Variants in ZNF684 observed in about 807,000 individuals in gnomAD.
The protein encoded by ZNF684 is zinc finger protein 684, also known as hypothetical protein MGC27466.
ZNF684 carries 13 observed loss-of-function variants against 12.8 expected under a neutral mutation model. The observed-to-expected ratio is 1.02, with a 90% CI of 0.66 to 1.62. The LOEUF is 1.62. Ranked by LOEUF, ZNF684 falls within the 40% of genes most tolerant of loss-of-function variation. The pLI, the probability that ZNF684 is intolerant of heterozygous loss-of-function variation, is 0.00. For missense variants in ZNF684, 384 were observed against 446.9 expected, an observed-to-expected ratio of 0.86 and a Z score of 1.27; for synonymous variants, 118 against 151.8, an observed-to-expected ratio of 0.78 and a Z score of 1.64.
chr1:40,544,518 AT>A, intron 4 of ZNF684: 1 of 295,156 alleles, frequency 3.4e-6, no homozygotes, highest in Non-Finnish European at 6.7e-6. Flanking sequence ...TGCCTGGCTA[AT>A]TTTTGTATTT....
Position 40,546,716 on chromosome 1 carries a change from A to G in ZNF684, c.393A>G (p.Lys131=), listed in dbSNP as rs1351281873. The stretch of plus-strand genomic sequence containing the variant: ...CAAGTCTTAATCCAATGAGAAAAAA[A>G]TCATATAAATCGTTTGAGAAGTGTT... ...MSTSLNPMRK[K]SYKSFEKCLP... Residue 131 remains lysine (K), a synonymous_variant, in exon 5 of 5, where the codon AAA becomes AAG. Coordinates refer to ENST00000372699, the MANE Select transcript of ZNF684 (RefSeq NM_152373.4). 5 of 1,613,936 alleles carry G rather than the reference A, an allele frequency of 3.1e-6. No homozygotes were observed. Among genetic ancestry groups the G allele is most frequent in the Non-Finnish European group, 3.4e-6 (4 of 1,179,994 alleles).
At chr1:40,534,044 G>A (rs1286224763) in intron 2 of ZNF684, among the ~76,000 whole-genome samples, 2 of 151,642 alleles carry the variant, frequency 1.3e-5, no homozygotes, top group Non-Finnish European at 2.9e-5. Context: ...GGCTGGTCTC[G>A]AATTCCTGAC....
chr1:40,545,033 C>G (rs1454419359), intron 4 of ZNF684: 1 of 152,122 alleles, frequency 6.6e-6, no homozygotes, highest in Non-Finnish European at 1.5e-5. Flanking sequence ...TCATATCTTG[C>G]ATAATTTTGT....
intron 4 of ZNF684, among the ~76,000 whole-genome samples, chr1:40,545,569 C>T (rs1010280801): frequency 9.2e-5 from 14 of 152,078 alleles, no homozygotes; most frequent in Admixed American, 4.6e-4. Flanking sequence ...GGATGACTTA[C>T]GCTTGGATGA....
intron 2 of ZNF684, among the ~76,000 whole-genome samples, chr1:40,536,218 C>A (rs1364173664): frequency 6.6e-6 from 1 of 151,752 alleles, no homozygotes; most frequent in Non-Finnish European, 1.5e-5. Flanking sequence ...ATGGTGAAAC[C>A]CCGTCTCTAC....
intron 4 of ZNF684, chr1:40,544,451 A>C (rs1464944281): frequency 2.5e-6 from 1 of 402,822 alleles, no homozygotes; most frequent in Admixed American, 2.8e-5. Flanking sequence ...GCTCGGGTTC[A>C]AGTGATTCTC....
intron 4 of ZNF684, among the ~76,000 whole-genome samples, chr1:40,545,400 A>G (rs1213270181): frequency 6.6e-6 from 1 of 152,258 alleles, no homozygotes; most frequent in Non-Finnish European, 1.5e-5. Flanking sequence ...AGAGCAAAGC[A>G]GCTTGCTGAA....
chr1:40,544,167 G>A (rs1435230309), intron 4 of ZNF684, among the ~76,000 whole-genome samples: 1 of 151,352 alleles, frequency 6.6e-6, no homozygotes, highest in East Asian at 1.9e-4. Flanking sequence ...TGTGGGAGAT[G>A]TTTCTTATTC....
intron 4 of ZNF684, among the ~76,000 whole-genome samples, chr1:40,546,317 C>T (rs1416798174): frequency 6.6e-6 from 1 of 152,188 alleles, no homozygotes; most frequent in African/African-American, 2.4e-5. Context: ...GTTGAGCAGC[C>T]TTTTGACTTC....
intron 1 of ZNF684, among the ~76,000 whole-genome samples, chr1:40,532,192 T>C (rs1398176967): frequency 6.6e-6 from 1 of 152,166 alleles, no homozygotes; most frequent in African/African-American, 2.4e-5. Flanking sequence ...CTTGAGAAAC[T>C]GCTATGGATT....
rs930859120 is a variant in ZNF684 at position 40,540,808 on chromosome 1, T to C, written c.142+96T>C. 5 of 1,250,620 alleles carry C rather than the reference T, an allele frequency of 4.0e-6. No individual in the cohort carries two copies. In the African/African-American group the frequency reaches 4.6e-5, roughly 12 times the overall value. The allele number at this position is 1,250,620 out of a possible 1,614,324, so 77.5% of individuals were successfully genotyped here. ...GGGAACGTTTGCCAATTGTGGTCGC[T>C]CATGCTTATAATCCCAGCACTTTGG... On this transcript the variant is annotated intron_variant, in intron 3 of 4. Coordinates refer to ENST00000372699, the MANE Select transcript of ZNF684 (RefSeq NM_152373.4).
chr1:40,538,150 C>T (rs753844329), intron 2 of ZNF684, among the ~76,000 whole-genome samples: 7 of 151,978 alleles, frequency 4.6e-5, no homozygotes, highest in Non-Finnish European at 1.0e-4. Flanking sequence ...TGCCACCATA[C>T]CCAGCTAATT....
chr1:40,533,054 C>CAG, intron 1 of ZNF684, 89 bp from the exon 2 acceptor site: 2 of 1,087,630 alleles, frequency 1.8e-6, no homozygotes, highest in Non-Finnish European at 1.4e-6. Context: ...AGTGTGGGTA[C>CAG]TTATGGTCTG....
intron 4 of ZNF684, chr1:40,544,337 T>C: frequency 2.5e-6 from 1 of 407,340 alleles, no homozygotes; most frequent in East Asian, 8.9e-5. Context: ...AAACAATATA[T>C]AAATAAAAAG....
chr1:40,547,537 G>A lies in ZNF684; in HGVS notation c.*77G>A. 2 of 1,299,142 alleles carry A rather than the reference G, an allele frequency of 1.5e-6. No individual in the cohort carries two copies. The highest frequency in any genetic ancestry group is 2.1e-6 in the Non-Finnish European group (2 of 973,940). The allele number at this position is 1,299,142 out of a possible 1,614,324, so 80.5% of individuals were successfully genotyped here. ...TTAAATACTAAAGAATTCATGGTGA[G>A]AAGTCTACAATTTAAATGAATTTGG... is the stretch of plus-strand genomic sequence containing the variant. On this transcript the variant is annotated 3_prime_UTR_variant, in exon 5 of 5. Transcript: ENST00000372699.
intron 4 of ZNF684, chr1:40,544,310 T>A (rs531731421): frequency 3.1e-6 from 1 of 324,694 alleles, no homozygotes; most frequent in Non-Finnish European, 6.1e-6. Flanking sequence ...TTTTCCCTGG[T>A]GGTTTAGTGG....
At chr1:40,539,250 C>CG (rs1257008706) in intron 2 of ZNF684, among the ~76,000 whole-genome samples, 4 of 152,002 alleles carry the variant, frequency 2.6e-5, no homozygotes, top group African/African-American at 9.7e-5. Flanking sequence ...AGGATGGTCT[C>CG]GATCTCCTGA....
intron 2 of ZNF684, among the ~76,000 whole-genome samples, chr1:40,534,792 A>G (rs536717212): frequency 6.6e-6 from 1 of 151,834 alleles, no homozygotes; most frequent in South Asian, 2.1e-4. Flanking sequence ...CAGGAGTTCA[A>G]GACCAGCCTG....
intron 2 of ZNF684, among the ~76,000 whole-genome samples, chr1:40,537,066 C>T (rs1053904099): frequency 1.3e-4 from 20 of 152,138 alleles, no homozygotes; most frequent in African/African-American, 4.3e-4. Context: ...ATTTCTAATT[C>T]TAGATCCTTG....
Sources: gnomAD v4.1 joint callset for allele counts (sites outside exome capture counted in the v4.1 genomes callset) on GRCh38, gnomAD v4.1.1 for gene constraint, MANE v1.5 for transcripts, NCBI Gene and HGNC (gene_info 2026-07-23, HGNC 2026-07-21) for gene names.